The following APBB2 variants were observed in gnomAD, a reference collection of about 807,000 sequenced individuals.
APBB2 encodes Fe65-like 1.
In APBB2, 38 loss-of-function variants were observed where a neutral mutation model predicts 82.5. That is an observed-to-expected ratio of 0.46 (90% CI 0.36 to 0.60). The LOEUF (loss-of-function observed/expected upper bound fraction) is 0.60. Ranked by LOEUF, APBB2 falls within the 20% of genes least tolerant of loss-of-function variation. The pLI, the probability that APBB2 is intolerant of heterozygous loss-of-function variation, is 0.00. For missense variants in APBB2, 772 were observed against 972.3 expected (o/e 0.79, Z 2.74); for synonymous variants, 341 against 368.2 (o/e 0.93, Z 0.85).
At chr4:40,912,874 C>T (rs899384738) in intron 10 of APBB2, among the ~76,000 whole-genome samples, 7 of 152,202 alleles carry the variant, frequency 4.6e-5, no homozygotes, top group Non-Finnish European at 8.8e-5. Context: ...GATGTCTGCG[C>T]TACTGGGAAA....
intron 1 of APBB2, among the ~76,000 whole-genome samples, chr4:41,207,160 C>T (rs1778148353): frequency 7.5e-6 from 1 of 133,444 alleles, no homozygotes; most frequent in Non-Finnish European, 1.5e-5. Context: ...GATTAAGCCA[C>T]TGCATTCCAG....
intron 1 of APBB2, among the ~76,000 whole-genome samples, chr4:41,174,752 C>A (rs1769303595): frequency 6.6e-6 from 1 of 152,164 alleles, no homozygotes; most frequent in African/African-American, 2.4e-5. Flanking sequence ...TACGTGACCA[C>A]ATATGATAGT....
chr4:40,874,437 CT>C (rs751344982), intron 12 of APBB2, among the ~76,000 whole-genome samples: 3 of 152,080 alleles, frequency 2.0e-5, no homozygotes, highest in Non-Finnish European at 2.9e-5. Context: ...TCACTTACAA[CT>C]GTATTGACTG....
chr4:41,094,364 T>C (rs1227958299), intron 3 of APBB2, among the ~76,000 whole-genome samples: 2 of 152,198 alleles, frequency 1.3e-5, no homozygotes, highest in Non-Finnish European at 2.9e-5. Flanking sequence ...TGACAGCAAG[T>C]CACAAATTAT....
intron 6 of APBB2, among the ~76,000 whole-genome samples, chr4:40,978,864 C>CA (rs1010365134): frequency 6.6e-6 from 1 of 150,704 alleles, no homozygotes; most frequent in African/African-American, 2.4e-5. Context: ...TTACGGGAAA[C>CA]AAAAAAAATT....
At chr4:40,847,491 A>G (rs1758022321) in intron 12 of APBB2, among the ~76,000 whole-genome samples, 1 of 152,098 alleles carries the variant, frequency 6.6e-6, no homozygotes, top group Admixed American at 6.6e-5. Flanking sequence ...ACACCTTGAC[A>G]CCAGAAGGCT....
At chr4:41,074,978 G>A (rs912815527) in intron 3 of APBB2, among the ~76,000 whole-genome samples, 1 of 152,022 alleles carries the variant, frequency 6.6e-6, no homozygotes, top group East Asian at 1.9e-4. Flanking sequence ...GGCAAAACTC[G>A]ACTCCACAAA....
rs1429906366 is a variant in APBB2, at chr4:40,935,148, A to G, written c.1045-9T>C. On this transcript the variant is annotated splice_polypyrimidine_tract_variant and intron_variant, in intron 7 of 17. Transcript: ENST00000508593. Reference sequence around the variant, plus strand: ...TCACTCCATGGCTGTTTCTAGACATATAATTATTCACATAGGAAAAAAGCA... The same window carrying G: ...TCACTCCATGGCTGTTTCTAGACATGTAATTATTCACATAGGAAAAAAGCA... 4.6e-6 allele frequency: 7 copies of G among 1,511,154 alleles called. No homozygotes were observed. The highest frequency in any genetic ancestry group is 3.4e-4 in the Middle Eastern group (2 of 5,944). 93.6% of individuals were successfully genotyped at this position (1,511,154 alleles called of 1,614,324 possible).
intron 1 of APBB2, among the ~76,000 whole-genome samples, chr4:41,191,051 G>A (rs1435086344): frequency 1.3e-5 from 2 of 152,146 alleles, no homozygotes; most frequent in African/African-American, 4.8e-5. Flanking sequence ...GCTTGGCAGG[G>A]ACCCAGCGGA....
At chr4:40,820,621 C>T (rs984866316) in intron 17 of APBB2, among the ~76,000 whole-genome samples, 3 of 152,058 alleles carry the variant, frequency 2.0e-5, no homozygotes, top group Non-Finnish European at 2.9e-5. Flanking sequence ...GCTGAGATCG[C>T]GCCATTGCAC....
chr4:41,143,687 G>A (rs544756601), intron 1 of APBB2, among the ~76,000 whole-genome samples: 1 of 152,252 alleles, frequency 6.6e-6, no homozygotes, highest in East Asian at 1.9e-4. Context: ...ATTCTAATGC[G>A]GTTCAGGATT....
At chr4:41,147,028 C>T (rs528518777) in intron 1 of APBB2, among the ~76,000 whole-genome samples, 8 of 152,240 alleles carry the variant, frequency 5.3e-5, no homozygotes, top group South Asian at 4.1e-4. Flanking sequence ...ATTCCCGTGA[C>T]GGATCCTGAA....
Position 40,954,200 on chromosome 4 carries a change from A to C in APBB2, c.836-9127T>G, listed in dbSNP as rs545476908. On this transcript the variant is annotated intron_variant, in intron 6 of 17. Transcript: ENST00000508593. The stretch of plus-strand genomic sequence containing the variant: ...TGAAAATAGATTTGCTTCTAGCAGC[A>C]GCTGGAAATTTCCTCTCCTGCTGCG... Among the ~76,000 whole-genome samples the C allele has an allele frequency of 5.3e-5, 8 of 152,346 alleles. No homozygotes were observed. In the East Asian group the frequency reaches 1.5e-3, roughly 29 times the overall value.
At chr4:41,079,467 A>G (rs1736760089) in intron 3 of APBB2, among the ~76,000 whole-genome samples, 1 of 152,178 alleles carries the variant, frequency 6.6e-6, no homozygotes, top group South Asian at 2.1e-4. Flanking sequence ...ATAGAGAAAC[A>G]TGGGGGAAGG....
intron 12 of APBB2, among the ~76,000 whole-genome samples, chr4:40,889,744 T>C (rs1310120540): frequency 2.0e-5 from 3 of 152,184 alleles, no homozygotes; most frequent in Admixed American, 6.6e-5. Context: ...GAACATAAAA[T>C]TCATAACACA....
At chr4:40,904,259 C>T (rs1444360441) in intron 10 of APBB2, among the ~76,000 whole-genome samples, 1 of 151,972 alleles carries the variant, frequency 6.6e-6, no homozygotes, top group Admixed American at 6.6e-5. Context: ...GGCGAAACCC[C>T]GTTTCTACTA....
At chr4:40,899,954 G>A (rs1401258060) in intron 10 of APBB2, among the ~76,000 whole-genome samples, 1 of 152,190 alleles carries the variant, frequency 6.6e-6, no homozygotes, top group Non-Finnish European at 1.5e-5. Context: ...GAAGACAGTG[G>A]TAAAATGAGC....
intron 1 of APBB2, among the ~76,000 whole-genome samples, chr4:41,153,537 T>C (rs1428841852): frequency 6.6e-6 from 1 of 152,214 alleles, no homozygotes; most frequent in East Asian, 1.9e-4. Flanking sequence ...TCCGGAAATC[T>C]TACTGATCAA....
chr4:40,845,815 T>C (rs992315389), intron 12 of APBB2, among the ~76,000 whole-genome samples: 17 of 152,076 alleles, frequency 1.1e-4, no homozygotes, highest in African/African-American at 3.9e-4. Context: ...TTTTTGATGT[T>C]TGTCTTTCAT....
Sources: gnomAD v4.1 joint callset for allele counts (sites outside exome capture counted in the v4.1 genomes callset) on GRCh38, gnomAD v4.1.1 for gene constraint, MANE v1.5 for transcripts, NCBI Gene and HGNC (gene_info 2026-07-23, HGNC 2026-07-21) for gene names.